RNF168: variants seen among roughly 807,000 people sequenced by gnomAD.
RNF168 encodes E3 ubiquitin-protein ligase RNF168.
Under a neutral mutation model 34.9 loss-of-function variants are expected in RNF168, and 34 were observed. The observed-to-expected ratio is 0.97, with a 90% CI of 0.74 to 1.30. The LOEUF is 1.30. RNF168 is among the 50% of genes most tolerant of loss of function. RNF168 has a pLI of 0.00. For missense variants in RNF168, 725 were observed against 682.5 expected (o/e 1.06, Z -0.69); for synonymous variants, 264 against 254.7 (o/e 1.04, Z -0.35).
rs1732336978 is a variant in RNF168 at position 196,483,097 on chromosome 3, TC to T, written c.680+672del. Among the ~76,000 whole-genome samples, 3 of 151,882 alleles carry T rather than the reference TC, an allele frequency of 2.0e-5. No homozygotes were observed. In the East Asian group the frequency reaches 5.8e-4, roughly 29 times the overall value. ...TACTGGCGACACTGATATTGTCACATCTTTTTTTTTTTTTAATAGTACCTCC... is the reference window on the plus strand; with the variant it reads ...TACTGGCGACACTGATATTGTCACATTTTTTTTTTTTTTAATAGTACCTCC... On this transcript the variant is annotated intron_variant, in intron 4 of 5. Coordinates refer to ENST00000318037, the MANE Select transcript of RNF168 (RefSeq NM_152617.4).
At chr3:196,480,648 ATTT>A (rs1294404558) in intron 4 of RNF168, among the ~76,000 whole-genome samples, 1 of 151,858 alleles carries the variant, frequency 6.6e-6, no homozygotes, top group African/African-American at 2.4e-5. Flanking sequence ...GGTCGTACAG[ATTT>A]TTATTTTTCT....
At chr3:196,502,770 T>C (rs1010149950) in intron 1 of RNF168, 103 bp downstream of exon 1, 8 of 976,578 alleles carry the variant, frequency 8.2e-6, no homozygotes, top group Non-Finnish European at 1.3e-5. Flanking sequence ...CAAATACTAG[T>C]CGGGTTTTTT....
chr3:196,502,259 G>A (rs1424071790), intron 1 of RNF168, among the ~76,000 whole-genome samples: 5 of 151,958 alleles, frequency 3.3e-5, no homozygotes, highest in Non-Finnish European at 7.4e-5. Flanking sequence ...ATGATTAGGA[G>A]AATCAAGAAT....
chr3:196,494,923 T>G (rs1439169221), intron 1 of RNF168, among the ~76,000 whole-genome samples: 1 of 152,066 alleles, frequency 6.6e-6, no homozygotes, highest in Non-Finnish European at 1.5e-5. Context: ...CTCAGGAGGT[T>G]GAGGTGGGAG....
At chr3:196,482,920 T>C (rs1342196868) in intron 4 of RNF168, among the ~76,000 whole-genome samples, 1 of 152,138 alleles carries the variant, frequency 6.6e-6, no homozygotes, top group Non-Finnish European at 1.5e-5. Context: ...GTTTTTCTTG[T>C]ATCTCTGGTA....
chr3:196,503,167 G>A lies in RNF168; in HGVS notation c.7C>T (p.Leu3=). MA[L]PKDAIPSLSE... Reference sequence around the variant, plus strand: ...AGCGAGGGGATGGCGTCTTTGGGTAGAGCCATTTCAATATGTTAGTAAAGC... The same window carrying A: ...AGCGAGGGGATGGCGTCTTTGGGTAAAGCCATTTCAATATGTTAGTAAAGC... Residue 3 remains leucine, a synonymous_variant, in exon 1 of 6, where the codon CTA becomes TTA. Coordinates refer to ENST00000318037, the MANE Select transcript of RNF168 (RefSeq NM_152617.4). The A allele has an allele frequency of 1.2e-6, 2 of 1,613,778 alleles. No homozygotes were observed. Among genetic ancestry groups the A allele is most frequent in the South Asian group, 1.1e-5 (1 of 91,074 alleles).
intron 1 of RNF168, among the ~76,000 whole-genome samples, chr3:196,495,560 TCA>T (rs1216057292): frequency 6.6e-6 from 1 of 152,234 alleles, no homozygotes; most frequent in African/African-American, 2.4e-5. Flanking sequence ...TTTTGTTTTC[TCA>T]CAGTTAGATT....
At position 196,487,552 on chromosome 3, in the gene RNF168, C is replaced by A; in HGVS notation, c.405G>T (p.Glu135Asp). ...CTTCACTGGCTTTGTTTTCTTCTTCCTCGCTGGCCCGTCGCTCTGCCGCCA... is the reference window on the plus strand; with the variant it reads ...CTTCACTGGCTTTGTTTTCTTCTTCATCGCTGGCCCGTCGCTCTGCCGCCA... ...SKVAAERRAS[E>D]EEENKASEEY... Residue 135 changes from glutamate (E) to aspartate (D), a missense_variant, in exon 3 of 6, where the codon GAG (glutamate) becomes GAT (aspartate). Transcript: ENST00000318037. The A allele has an allele frequency of 1.9e-6, 3 of 1,614,172 alleles. No individual in the cohort carries two copies. The highest frequency in any genetic ancestry group is 2.5e-6 in the Non-Finnish European group (3 of 1,180,034).
intron 1 of RNF168, among the ~76,000 whole-genome samples, chr3:196,495,012 G>T (rs1732704136): frequency 1.3e-5 from 2 of 152,262 alleles, no homozygotes; most frequent in African/African-American, 4.8e-5. Flanking sequence ...GACTAAGTGA[G>T]ACCCTGTCTC....
chr3:196,488,257 G>A (rs150645960), intron 2 of RNF168, among the ~76,000 whole-genome samples: 5,744 of 151,992 alleles, frequency 0.038, 355 homozygotes, highest in African/African-American at 0.13. Flanking sequence ...CGAGGCGGGC[G>A]GATCACAAGG....
intron 1 of RNF168, among the ~76,000 whole-genome samples, chr3:196,494,138 G>A (rs959042260): frequency 3.3e-5 from 5 of 152,158 alleles, no homozygotes; most frequent in East Asian, 3.9e-4. Flanking sequence ...GTGAGCCCCC[G>A]CACCTGGCCT....
At position 196,471,196 on chromosome 3, in the gene RNF168, C is replaced by CAAAAAAAAAAAAAAA. The variant is rs57647149; in HGVS notation, c.*608_*622dup. 10 of 40,640 alleles carry CAAAAAAAAAAAAAAA rather than the reference C, an allele frequency of 2.5e-4. No individual in the cohort carries two copies. The highest frequency in any genetic ancestry group is 0.017 in the Middle Eastern group (1 of 58). 2.5% of individuals were successfully genotyped at this position (40,640 alleles called of 1,614,324 possible). A position where few individuals can be genotyped will look rare whatever the true frequency, so the allele number is the denominator to read the frequency against. On this transcript the variant is annotated 3_prime_UTR_variant, in exon 6 of 6. Transcript: ENST00000318037. ...GCGTGACAGAGCAAGACTCTGTCTC[C>CAAAAAAAAAAAAAAA]AAAAAAAAAAAAAAAAAAAAAAAAA...
Position 196,470,384 on chromosome 3 carries a change from C to T in RNF168, c.*1435G>A, listed in dbSNP as rs1731969708. On this transcript the variant is annotated 3_prime_UTR_variant, in exon 6 of 6. Transcript: ENST00000318037. ...CCAAACTGTCAGTCACCCCACCCAG[C>T]CTCATCTGGACCAGTTTCTGACGAC... The T allele has an allele frequency of 6.5e-6, 1 of 153,292 alleles. No individual in the cohort carries two copies. The highest frequency in any genetic ancestry group is 2.4e-5 in the African/African-American group (1 of 41,276). 9.5% of individuals were successfully genotyped at this position (153,292 alleles called of 1,614,324 possible).
rs775482605 is a variant in RNF168 at position 196,487,374 on chromosome 3, C to T, written c.558+25G>A. The stretch of plus-strand genomic sequence containing the variant: ...AGCGCATACCAAGGGATGACCATAC[C>T]TTAGCGTTCCCTCCTAAAACTTACA... On this transcript the variant is annotated intron_variant, in intron 3 of 5. Coordinates refer to ENST00000318037, the MANE Select transcript of RNF168 (RefSeq NM_152617.4). 10 of 1,599,356 alleles carry T rather than the reference C, an allele frequency of 6.3e-6. No homozygotes were observed. In the South Asian group the frequency reaches 1.1e-4, roughly 18 times the overall value.
chr3:196,469,082 C>T lies in RNF168; in HGVS notation c.*2737G>A, dbSNP rs1422571776. The T allele has an allele frequency of 2.0e-5, 3 of 152,106 alleles. No homozygotes were observed. The highest frequency in any genetic ancestry group is 4.4e-5 in the Non-Finnish European group (3 of 68,018). 9.4% of individuals were successfully genotyped at this position (152,106 alleles called of 1,614,324 possible). A position where few individuals can be genotyped will look rare whatever the true frequency, so the allele number is the denominator to read the frequency against. Reference sequence around the variant, plus strand: ...TCACACCATATATGTGATATATTTACACCTAAATATATCACACCCTCCTTT... The same window carrying T: ...TCACACCATATATGTGATATATTTATACCTAAATATATCACACCCTCCTTT... On this transcript the variant is annotated 3_prime_UTR_variant, in exon 6 of 6. Coordinates refer to ENST00000318037, the MANE Select transcript of RNF168 (RefSeq NM_152617.4).
In RNF168 at chr3:196,473,583, G is replaced by A. The variant is rs145637883; in HGVS notation, c.763-811C>T. 9.6e-3 allele frequency among the ~76,000 whole-genome samples: 1,466 copies of A among 152,282 alleles called. 16 individuals are homozygous for A. Among genetic ancestry groups the A allele is most frequent in the Non-Finnish European group, 0.016 (1,055 of 68,030 alleles). On this transcript the variant is annotated intron_variant, in intron 5 of 5. Transcript: ENST00000318037. ...AGATATCTGTAACATGGCTGGGCAC[G>A]GTGGCTCATGCCTGTAATCACAGCA... is the stretch of plus-strand genomic sequence containing the variant.
chr3:196,490,977 ACTT>A (rs1732580795), intron 1 of RNF168, among the ~76,000 whole-genome samples: 1 of 152,230 alleles, frequency 6.6e-6, no homozygotes, highest in South Asian at 2.1e-4. Flanking sequence ...GGTATCTGAG[ACTT>A]TTTTTCAGGG....
intron 1 of RNF168, among the ~76,000 whole-genome samples, chr3:196,496,536 T>C (rs1359993644): frequency 2.0e-5 from 3 of 152,324 alleles, no homozygotes; most frequent in African/African-American, 7.2e-5. Context: ...TTTAACTTCA[T>C]TACTGAAAAA....
rs1450186068 is a variant in RNF168 at position 196,487,439 on chromosome 3, T to C, written c.518A>G (p.Lys173Arg). The stretch of plus-strand genomic sequence containing the variant: ...CTTTCTTGCCAGTTCCTCATCACTT[T>C]TCAGTTGTTCTTCCATCGCTCTTCG... ...KRRRAMEEQL[K>R]SDEELARKLS... Residue 173 changes from lysine (K) to arginine (R), a missense_variant, in exon 3 of 6, where the codon AAA (lysine) becomes AGA (arginine). Physicochemically the swap from Lys to Arg is conservative, Grantham distance 26. Coordinates refer to ENST00000318037, the MANE Select transcript of RNF168 (RefSeq NM_152617.4). 3 of 1,614,084 alleles carry C rather than the reference T, an allele frequency of 1.9e-6. No homozygotes were observed. The highest frequency in any genetic ancestry group is 2.5e-6 in the Non-Finnish European group (3 of 1,180,026).
Sources: allele counts gnomAD v4.1 joint callset (sites outside exome capture counted in the v4.1 genomes callset), GRCh38; gene constraint gnomAD v4.1.1; transcripts MANE v1.5; gene names NCBI Gene and HGNC (gene_info 2026-07-23, HGNC 2026-07-21).